The following ERBB4 variants were observed in gnomAD, a reference collection of about 807,000 sequenced individuals.
ERBB4 encodes the protein receptor tyrosine-protein kinase erbB-4.
ERBB4 carries 42 observed loss-of-function variants against 158.0 expected under a neutral mutation model. That is an observed-to-expected ratio of 0.27 (90% CI 0.21 to 0.34). The LOEUF (loss-of-function observed/expected upper bound fraction) is 0.34. Ranked by LOEUF, ERBB4 falls within the 10% of genes least tolerant of loss-of-function variation. ERBB4 has a pLI of 1.00. For synonymous variants in ERBB4, 583 were observed against 558.7 expected, an observed-to-expected ratio of 1.04 and a Z score of -0.61; for missense variants, 1,333 against 1,624.1, an observed-to-expected ratio of 0.82 and a Z score of 3.08.
intron 2 of ERBB4, among the ~76,000 whole-genome samples, chr2:211,961,961 C>G (rs1021256218): frequency 6.6e-6 from 1 of 152,052 alleles, no homozygotes; most frequent in Non-Finnish European, 1.5e-5. Flanking sequence ...TACAAGAAAG[C>G]AATTTCTATA....
intron 2 of ERBB4, among the ~76,000 whole-genome samples, chr2:212,091,460 G>A (rs1201572625): frequency 6.6e-6 from 1 of 152,060 alleles, no homozygotes; most frequent in Non-Finnish European, 1.5e-5. Context: ...GCAACTAGAA[G>A]GAATTACCAG....
chr2:212,326,317 AAATAC>A (rs558444052), intron 1 of ERBB4, among the ~76,000 whole-genome samples: 16 of 150,794 alleles, frequency 1.1e-4, no homozygotes, highest in Non-Finnish European at 2.2e-4. Context: ...AATAATTCTG[AAATAC>A]AATACATTTT....
intron 2 of ERBB4, among the ~76,000 whole-genome samples, chr2:212,011,454 T>G (rs1164773721): frequency 2.0e-5 from 3 of 152,070 alleles, no homozygotes; most frequent in African/African-American, 7.2e-5. Flanking sequence ...CTCAATGTTT[T>G]TGGAAGAGCA....
At position 211,383,344 on chromosome 2, in the gene ERBB4, T is replaced by C. The variant is rs1055143596; in HGVS notation, c.*271A>G. 4.7e-5 allele frequency: 20 copies of C among 425,038 alleles called. No individual in the cohort carries two copies. Among genetic ancestry groups the C allele is most frequent in the Non-Finnish European group, 6.8e-5 (16 of 234,798 alleles). The allele number at this position is 425,038 out of a possible 1,614,324, so 26.3% of individuals were successfully genotyped here. A position where few individuals can be genotyped will look rare whatever the true frequency, so the allele number is the denominator to read the frequency against. On this transcript the variant is annotated 3_prime_UTR_variant, in exon 28 of 28. Coordinates refer to ENST00000342788, the MANE Select transcript of ERBB4 (RefSeq NM_005235.3). Reference sequence around the variant, plus strand: ...TGATAGTAGGCAGCATTGCCTTACATTTTCTGGTCCTTCTCTAGCTGTTTC... The same window carrying C: ...TGATAGTAGGCAGCATTGCCTTACACTTTCTGGTCCTTCTCTAGCTGTTTC...
At chr2:212,134,899 G>C (rs1441083615) in intron 1 of ERBB4, among the ~76,000 whole-genome samples, 8 of 151,892 alleles carry the variant, frequency 5.3e-5, no homozygotes, top group Non-Finnish European at 1.2e-4. Context: ...TGTCAGCTAG[G>C]ATGGTCTCGA....
At chr2:212,060,038 A>C (rs2077711367) in intron 2 of ERBB4, among the ~76,000 whole-genome samples, 2 of 152,220 alleles carry the variant, frequency 1.3e-5, no homozygotes. Flanking sequence ...TTTGCAATCT[A>C]CTCATCTGAC....
chr2:211,404,581 A>G (rs1292591085), intron 25 of ERBB4, among the ~76,000 whole-genome samples: 1 of 152,112 alleles, frequency 6.6e-6, no homozygotes, highest in Non-Finnish European at 1.5e-5. Context: ...TTGACAGACA[A>G]CTAACTTTGT....
chr2:212,023,072 A>G (rs1223306576), intron 2 of ERBB4, among the ~76,000 whole-genome samples: 3 of 152,106 alleles, frequency 2.0e-5, no homozygotes, highest in Admixed American at 6.6e-5. Flanking sequence ...CACTAGAAAG[A>G]TCTCTGTCAT....
intron 2 of ERBB4, among the ~76,000 whole-genome samples, chr2:211,963,475 A>C (rs1336656775): frequency 1.3e-5 from 2 of 152,176 alleles, no homozygotes; most frequent in Non-Finnish European, 2.9e-5. Flanking sequence ...ATATGTATAC[A>C]TTATGAGGAA....
chr2:212,159,276 T>G (rs1575722964), intron 1 of ERBB4, among the ~76,000 whole-genome samples: 2 of 151,634 alleles, frequency 1.3e-5, no homozygotes, highest in South Asian at 4.2e-4. Flanking sequence ...TTTTTTTTTT[T>G]TTTTGGATAG....
In ERBB4 at chr2:211,665,484, T is replaced by C. The variant is rs766976005; in HGVS notation, c.1717-7A>G. 6 of 1,613,632 alleles carry C rather than the reference T, an allele frequency of 3.7e-6. No individual in the cohort carries two copies. Among genetic ancestry groups the C allele is most frequent in the Admixed American group, 1.7e-5 (1 of 59,926 alleles). ...TTGTACAGTTGTCAGGACCCTGAAA[T>C]GTGAAAACGAAAAAAAAAGAAAAAA... On this transcript the variant is annotated splice_region_variant and splice_polypyrimidine_tract_variant and intron_variant, in intron 14 of 27. Coordinates refer to ENST00000342788, the MANE Select transcript of ERBB4 (RefSeq NM_005235.3).
intron 1 of ERBB4, among the ~76,000 whole-genome samples, chr2:212,496,564 T>G (rs1310593630): frequency 6.6e-6 from 1 of 152,226 alleles, no homozygotes; most frequent in Non-Finnish European, 1.5e-5. Flanking sequence ...TAACCTTTCC[T>G]AACACACATA....
chr2:212,467,310 A>T (rs933662101), intron 1 of ERBB4, among the ~76,000 whole-genome samples: 1 of 152,218 alleles, frequency 6.6e-6, no homozygotes, highest in African/African-American at 2.4e-5. Flanking sequence ...TGCAAGTCAG[A>T]GACCTCTGCA....
Position 211,586,712 on chromosome 2 carries a change from C to T in ERBB4, c.2302-24624G>A, listed in dbSNP as rs139655624. ...TCTTTTTATTTGCTGAATATAGGAC[C>T]TCTATGAATTTGAAACCATAGTAAA... is the stretch of plus-strand genomic sequence containing the variant. On this transcript the variant is annotated intron_variant, in intron 19 of 27. Coordinates refer to ENST00000342788, the MANE Select transcript of ERBB4 (RefSeq NM_005235.3). 4.6e-5 allele frequency among the ~76,000 whole-genome samples: 7 copies of T among 152,148 alleles called. No homozygotes were observed. The East Asian group carries it at 1.2e-3, about 25-fold the overall frequency.
chr2:211,746,370 C>T (rs1042497281), intron 5 of ERBB4, among the ~76,000 whole-genome samples: 3 of 152,168 alleles, frequency 2.0e-5, no homozygotes, highest in Admixed American at 6.5e-5. Context: ...GTGGAGTAAG[C>T]ACAGTGGCCG....
intron 17 of ERBB4, among the ~76,000 whole-genome samples, chr2:211,624,488 G>A (rs1036890423): frequency 5.3e-5 from 8 of 152,138 alleles, no homozygotes; most frequent in Non-Finnish European, 7.3e-5. Flanking sequence ...TCAACTTCTT[G>A]TTAAATATAG....
At chr2:212,527,500 G>A (rs1352585016) in intron 1 of ERBB4, among the ~76,000 whole-genome samples, 1 of 151,968 alleles carries the variant, frequency 6.6e-6, no homozygotes, top group African/African-American at 2.4e-5. Context: ...GTTAATGGAA[G>A]AGCAATATTC....
intron 2 of ERBB4, among the ~76,000 whole-genome samples, chr2:212,058,313 A>C (rs972990656): frequency 6.6e-6 from 1 of 152,132 alleles, no homozygotes; most frequent in African/African-American, 2.4e-5. Context: ...CTGCCACCCA[A>C]AAAAAGTCCA....
chr2:211,952,370 T>C (rs839520), intron 2 of ERBB4, among the ~76,000 whole-genome samples: 61,679 of 151,882 alleles, frequency 0.41, 14,415 homozygotes, highest in African/African-American at 0.64. Context: ...TGGTTTGAGA[T>C]GATATTGGCA....
Sources: allele counts gnomAD v4.1 joint callset (sites outside exome capture counted in the v4.1 genomes callset), GRCh38; gene constraint gnomAD v4.1.1; transcripts MANE v1.5; gene names NCBI Gene and HGNC (gene_info 2026-07-23, HGNC 2026-07-21).